Variants in SETD4 observed in about 807,000 individuals in gnomAD.
The protein encoded by SETD4 is SET domain containing 4.
A neutral mutation model predicts 58.3 loss-of-function variants in SETD4; 46 were observed. The observed-to-expected ratio is 0.79, with a 90% CI of 0.62 to 1.01. The LOEUF is 1.01. Ranked by LOEUF, SETD4 falls within the 50% of genes least tolerant of loss-of-function variation. SETD4 has a pLI of 0.00. For synonymous variants in SETD4, 190 were observed against 202.6 expected, an observed-to-expected ratio of 0.94 and a Z score of 0.53; for missense variants, 490 against 523.3, an observed-to-expected ratio of 0.94 and a Z score of 0.62.
intron 10 of SETD4, 81 bp from the exon 11 acceptor site, chr21:36,036,332 ATT>A: frequency 7.6e-7 from 1 of 1,313,660 alleles, no homozygotes; most frequent in Non-Finnish European, 1.0e-6. Flanking sequence ...TTTTTAACCA[ATT>A]TTAAGTGTAT....
chr21:36,051,190 C>T (rs570431033), intron 4 of SETD4: 2 of 1,602,544 alleles, frequency 1.2e-6, no homozygotes, highest in Non-Finnish European at 1.7e-6. Flanking sequence ...GTGTCCACTG[C>T]CAGTGAGACT....
chr21:36,049,293 G>T (rs2064522166), intron 4 of SETD4, among the ~76,000 whole-genome samples: 1 of 152,208 alleles, frequency 6.6e-6, no homozygotes, highest in African/African-American at 2.4e-5. Flanking sequence ...GGTGGCTCAT[G>T]CCTGTCATCC....
chr21:36,049,334 C>T (rs556066810), intron 4 of SETD4, among the ~76,000 whole-genome samples: 30 of 152,116 alleles, frequency 2.0e-4, no homozygotes, highest in Admixed American at 7.2e-4. Context: ...GCAGGTGGAT[C>T]GCTTGAGGTC....
intron 5 of SETD4, among the ~76,000 whole-genome samples, chr21:36,047,238 C>G (rs778138817): frequency 9.2e-5 from 14 of 152,098 alleles, no homozygotes; most frequent in Non-Finnish European, 1.8e-4. Flanking sequence ...CTAGGCAACA[C>G]AGCAAGACCT....
At chr21:36,057,252 C>A (rs1232125195) in intron 2 of SETD4, 48 bp from the exon 3 acceptor site, 1 of 1,337,780 alleles carries the variant, frequency 7.5e-7, no homozygotes, top group Admixed American at 1.7e-5. Flanking sequence ...ACTATATAAT[C>A]GGATTACCAT....
At chr21:36,044,992 A>C (rs1188091599) in intron 6 of SETD4, among the ~76,000 whole-genome samples, 1 of 152,160 alleles carries the variant, frequency 6.6e-6, no homozygotes. Context: ...ACCACCTCCC[A>C]AATCAGGTTT....
intron 4 of SETD4, chr21:36,053,004 T>C (rs2835259): frequency 0.37 from 56,862 of 152,756 alleles, 10,641 homozygotes; most frequent in Admixed American, 0.41. Flanking sequence ...GTGGCAGAGA[T>C]TGCTAGTTGC....
intron 3 of SETD4, 25 bp from the exon 4 acceptor site, chr21:36,053,645 A>T: frequency 6.2e-7 from 1 of 1,611,978 alleles, no homozygotes; most frequent in Non-Finnish European, 8.5e-7. Context: ...ACAGAAAGAG[A>T]GTAAATCCTA....
At chr21:36,051,995 CA>C (rs777138842) in intron 4 of SETD4, among the ~76,000 whole-genome samples, 70 of 142,102 alleles carry the variant, frequency 4.9e-4, no homozygotes, top group African/African-American at 1.5e-3. Context: ...TTCTTAATGA[CA>C]AAAAAAAAAG....
At chr21:36,058,795 G>C in intron 2 of SETD4, 21 bp downstream of exon 2, 1 of 1,579,816 alleles carries the variant, frequency 6.3e-7, no homozygotes. Flanking sequence ...TTCATTACTG[G>C]TACTAAAAGA....
intron 2 of SETD4, chr21:36,057,623 T>G (rs1210883032): frequency 2.4e-6 from 1 of 412,380 alleles, no homozygotes; most frequent in Non-Finnish European, 4.3e-6. Flanking sequence ...CATACAGGAA[T>G]TAACAAGATG....
intron 3 of SETD4, among the ~76,000 whole-genome samples, chr21:36,056,128 A>C (rs2064970518): frequency 6.6e-6 from 1 of 152,232 alleles, no homozygotes; most frequent in African/African-American, 2.4e-5. Context: ...ATTTTAGTTC[A>C]AAGTCATGAT....
intron 5 of SETD4, among the ~76,000 whole-genome samples, chr21:36,046,289 C>CA (rs1392900807): frequency 1.3e-5 from 2 of 152,030 alleles, no homozygotes; most frequent in African/African-American, 2.4e-5. Flanking sequence ...TTCCTCTTTG[C>CA]AAAAAAACCT....
chr21:36,049,570 A>G (rs1374339735), intron 4 of SETD4, among the ~76,000 whole-genome samples: 4 of 152,152 alleles, frequency 2.6e-5, no homozygotes, highest in Non-Finnish European at 5.9e-5. Context: ...AGAAAAAAAA[A>G]ATCTCAGCCA....
intron 3 of SETD4, 97 bp downstream of exon 3, chr21:36,057,012 G>T: frequency 1.1e-6 from 1 of 927,748 alleles, no homozygotes. Flanking sequence ...ACCAGCTGAA[G>T]GACAATATCT....
chr21:36,054,569 T>G (rs888457155), intron 3 of SETD4, among the ~76,000 whole-genome samples: 4 of 152,088 alleles, frequency 2.6e-5, no homozygotes, highest in Non-Finnish European at 5.9e-5. Context: ...TTCCCGCAAC[T>G]TGGATTTGAT....
intron 5 of SETD4, among the ~76,000 whole-genome samples, chr21:36,047,834 CAAAAA>C (rs34827028): frequency 8.5e-5 from 6 of 70,908 alleles, no homozygotes; most frequent in South Asian, 1.0e-3. Context: ...ACTAAAAATA[CAAAAA>C]AAAAAAAAAA....
At chr21:36,051,541 T>C (rs1160662426) in intron 4 of SETD4, among the ~76,000 whole-genome samples, 1 of 152,222 alleles carries the variant, frequency 6.6e-6, no homozygotes, top group East Asian at 1.9e-4. Flanking sequence ...AGACCCCCGC[T>C]AGTAAGATGT....
In SETD4 at chr21:36,048,358, C is replaced by T. The variant is rs1281104651; in HGVS notation, c.246G>A (p.Leu82=). The change falls in exon 5 of 12, where the codon CTG becomes CTA. Residue 82 remains leucine (L), a synonymous_variant. Transcript: ENST00000332131. ...TTCGAATCACTGTGTCCGTGGTGAG[C>T]AGGCAACTCTCAGGCAACGAAATAA... The part of the protein sequence containing the change: ...QMIISLPESC[L]LTTDTVIRSY... 1 of 1,613,968 alleles carries T rather than the reference C, an allele frequency of 6.2e-7. No homozygotes were observed. Among genetic ancestry groups the T allele is most frequent in the Non-Finnish European group, 8.5e-7 (1 of 1,180,022 alleles).
Sources: allele counts gnomAD v4.1 joint callset (sites outside exome capture counted in the v4.1 genomes callset), GRCh38; gene constraint gnomAD v4.1.1; transcripts MANE v1.5; gene names NCBI Gene and HGNC (gene_info 2026-07-23, HGNC 2026-07-21).